The following ABL2 variants were observed in gnomAD, a reference collection of about 807,000 sequenced individuals.
The protein encoded by ABL2 is ABL proto-oncogene 2, non-receptor tyrosine kinase, also known as tyrosine-protein kinase ABL2.
Under a neutral mutation model 107.7 loss-of-function variants are expected in ABL2, and 49 were observed. The ratio of observed to expected loss-of-function variants is 0.45; its 90% CI spans 0.36 to 0.58. The LOEUF (loss-of-function observed/expected upper bound fraction) is 0.58. ABL2 is among the 20% of genes least tolerant of loss of function. The pLI is 0.00. For missense variants in ABL2, 1,245 were observed against 1,457.0 expected, an observed-to-expected ratio of 0.85 and a Z score of 2.37; for synonymous variants, 549 against 548.6, an observed-to-expected ratio of 1.00 and a Z score of -0.01.
At chr1:179,143,062 CA>C (rs776327250) in intron 1 of ABL2, 2 of 1,612,930 alleles carry the variant, frequency 1.2e-6, no homozygotes, top group East Asian at 4.5e-5. Flanking sequence ...CCCAGAAGCA[CA>C]AAAGTTAAAC....
rs1469651028 is a variant in ABL2 at position 179,229,221 on chromosome 1, C to T, written c.157+20G>A. On this transcript the variant is annotated intron_variant, in intron 1 of 11. Transcript: ENST00000502732. ...CCCGGCCTCCCCCACGCTCTCATGC[C>T]GGCTCCCAGACACACTCACCATGCT... The T allele has an allele frequency of 3.0e-6, 4 of 1,348,242 alleles. No homozygotes were observed. The highest frequency in any genetic ancestry group is 3.9e-6 in the Non-Finnish European group (4 of 1,027,300). The allele number at this position is 1,348,242 out of a possible 1,614,324, so 83.5% of individuals were successfully genotyped here.
intron 1 of ABL2, among the ~76,000 whole-genome samples, chr1:179,141,220 G>A (rs762278149): frequency 6.6e-6 from 1 of 151,970 alleles, no homozygotes; most frequent in Non-Finnish European, 1.5e-5. Context: ...GAGCCTGGGA[G>A]GTTGAGCCTG....
chr1:179,229,435 T>C lies in ABL2; in HGVS notation c.-38A>G. On this transcript the variant is annotated 5_prime_UTR_variant, in exon 1 of 12. Transcript: ENST00000502732. Reference sequence around the variant, plus strand: ...GTACTCCCGCGCCCCCGCCGACCCCTGGTCACATTCCTCCTCGGCTCCGGC... The same window carrying C: ...GTACTCCCGCGCCCCCGCCGACCCCCGGTCACATTCCTCCTCGGCTCCGGC... 1 of 1,465,318 alleles carries C rather than the reference T, an allele frequency of 6.8e-7. No homozygotes were observed. The highest frequency in any genetic ancestry group is 8.9e-7 in the Non-Finnish European group (1 of 1,120,200). The allele number at this position is 1,465,318 out of a possible 1,614,324, so 90.8% of individuals were successfully genotyped here. A position where few individuals can be genotyped will look rare whatever the true frequency, so the allele number is the denominator to read the frequency against.
At chr1:179,119,398 TGGTGATGCACGTTGA>T (rs1442250151) in intron 6 of ABL2, among the ~76,000 whole-genome samples, 1 of 151,592 alleles carries the variant, frequency 6.6e-6, no homozygotes, top group Non-Finnish European at 1.5e-5. Context: ...TAGCTGGGCG[TGGTGATGCACGTTGA>T]GGCACGAGAA....
chr1:179,125,208 G>A (rs1206106203), intron 4 of ABL2, among the ~76,000 whole-genome samples: 1 of 152,224 alleles, frequency 6.6e-6, no homozygotes, highest in African/African-American at 2.4e-5. Flanking sequence ...AATGGGTGTG[G>A]CTGTATTCTA....
At chr1:179,128,330 T>C (rs1041201676) in intron 3 of ABL2, among the ~76,000 whole-genome samples, 1 of 151,816 alleles carries the variant, frequency 6.6e-6, no homozygotes, top group Non-Finnish European at 1.5e-5. Flanking sequence ...TTGCCAATCA[T>C]ATTTACAGGA....
chr1:179,184,587 GGAGGAA>G (rs1304337594), intron 1 of ABL2: 16 of 558,588 alleles, frequency 2.9e-5, no homozygotes, highest in Non-Finnish European at 4.9e-5. Context: ...AGGAGGAGGA[GGAGGAA>G]GAGGAAGGAT....
At chr1:179,168,679 C>A (rs930163885) in intron 1 of ABL2, among the ~76,000 whole-genome samples, 16 of 152,180 alleles carry the variant, frequency 1.1e-4, no homozygotes, top group Non-Finnish European at 2.4e-4. Context: ...TATGGACTCA[C>A]CACCTGCTTG....
intron 1 of ABL2, among the ~76,000 whole-genome samples, chr1:179,223,217 C>T (rs1007835791): frequency 7.3e-5 from 11 of 151,372 alleles, no homozygotes; most frequent in Admixed American, 4.6e-4. Context: ...AATTTAAGAC[C>T]AGCCTGGCCC....
intron 1 of ABL2, among the ~76,000 whole-genome samples, chr1:179,224,300 T>C (rs1663072680): frequency 6.6e-6 from 1 of 151,996 alleles, no homozygotes; most frequent in African/African-American, 2.4e-5. Context: ...GGAGTCTTGC[T>C]CTGTCGCCCA....
chr1:179,101,679 T>A lies in ABL2; in HGVS notation c.*6039A>T, dbSNP rs1403203873. 5.5e-6 allele frequency: 1 copy of A among 180,396 alleles called. No homozygotes were observed. The highest frequency in any genetic ancestry group is 2.4e-5 in the African/African-American group (1 of 42,360). 11.2% of individuals were successfully genotyped at this position (180,396 alleles called of 1,614,324 possible). ...AGCCACTGTGCCCAGCCAAAAGGTA[T>A]CATCTTGTACATACTCAAGATAGAA... is the stretch of plus-strand genomic sequence containing the variant. On this transcript the variant is annotated 3_prime_UTR_variant, in exon 12 of 12. Transcript: ENST00000502732.
At chr1:179,222,389 C>T (rs970412580) in intron 1 of ABL2, among the ~76,000 whole-genome samples, 11 of 151,860 alleles carry the variant, frequency 7.2e-5, no homozygotes, top group Non-Finnish European at 1.5e-4. Flanking sequence ...GCCACCATGC[C>T]TGGCTAATTT....
At chr1:179,200,597 T>G (rs370320625) in intron 1 of ABL2, among the ~76,000 whole-genome samples, 99 of 152,288 alleles carry the variant, frequency 6.5e-4, no homozygotes, top group African/African-American at 2.2e-3. Flanking sequence ...ACCCAAAAAA[T>G]GCTACCTACC....
intron 1 of ABL2, among the ~76,000 whole-genome samples, chr1:179,154,968 A>G (rs1448429788): frequency 1.3e-5 from 2 of 152,218 alleles, no homozygotes; most frequent in African/African-American, 4.8e-5. Flanking sequence ...AATTTATAAC[A>G]TCATTACCTA....
At chr1:179,184,359 G>C in intron 1 of ABL2, 1 of 666,080 alleles carries the variant, frequency 1.5e-6, no homozygotes, top group Middle Eastern at 4.4e-4. Flanking sequence ...ATGGAAAGCT[G>C]GAAAGGATGC....
At chr1:179,152,529 G>C (rs180729927) in intron 1 of ABL2, among the ~76,000 whole-genome samples, 4 of 152,286 alleles carry the variant, frequency 2.6e-5, no homozygotes, top group African/African-American at 9.6e-5. Flanking sequence ...GGCCTGATTA[G>C]AGAGATGACT....
At chr1:179,188,099 C>A (rs1192391998) in intron 1 of ABL2, among the ~76,000 whole-genome samples, 1 of 152,178 alleles carries the variant, frequency 6.6e-6, no homozygotes, top group Non-Finnish European at 1.5e-5. Flanking sequence ...AGGATATACA[C>A]CTCTACTGTA....
At chr1:179,190,738 A>T (rs1660962116) in intron 1 of ABL2, among the ~76,000 whole-genome samples, 1 of 152,140 alleles carries the variant, frequency 6.6e-6, no homozygotes, top group African/African-American at 2.4e-5. Context: ...TCACCTCATT[A>T]GCATACAAAA....
At chr1:179,195,372 AAAT>A (rs1661250508) in intron 1 of ABL2, among the ~76,000 whole-genome samples, 1 of 152,210 alleles carries the variant, frequency 6.6e-6, no homozygotes, top group African/African-American at 2.4e-5. Flanking sequence ...CGAACACAGA[AAAT>A]AACAAATGTT....
Sources: gnomAD v4.1 joint callset for allele counts (sites outside exome capture counted in the v4.1 genomes callset) on GRCh38, gnomAD v4.1.1 for gene constraint, MANE v1.5 for transcripts, NCBI Gene and HGNC (gene_info 2026-07-23, HGNC 2026-07-21) for gene names.